The following EPHB4 variants were observed in gnomAD, a reference collection of about 807,000 sequenced individuals.
EPHB4 encodes the protein ephrin type-B receptor 4.
EPHB4 carries 50 observed loss-of-function variants against 110.6 expected under a neutral mutation model. The ratio of observed to expected loss-of-function variants is 0.45; its 90% CI spans 0.36 to 0.57. EPHB4 has a LOEUF of 0.57. EPHB4 is among the 20% of genes least tolerant of loss of function. The probability of loss-of-function intolerance (pLI) is 0.00; values close to 1 mark genes in which losing one functional copy is unlikely to be tolerated. For missense variants in EPHB4, 1,128 were observed against 1,382.1 expected (o/e 0.82, Z 2.91); for synonymous variants, 592 against 578.4 (o/e 1.02, Z -0.34).
At chr7:100,808,890 G>A (rs1014242517) in intron 12 of EPHB4, among the ~76,000 whole-genome samples, 4 of 152,142 alleles carry the variant, frequency 2.6e-5, no homozygotes, top group Non-Finnish European at 5.9e-5. Context: ...CTTGCCAGAT[G>A]GTCAGGGTAT....
At chr7:100,823,116 C>T (rs1269082589) in intron 3 of EPHB4, among the ~76,000 whole-genome samples, 1 of 152,066 alleles carries the variant, frequency 6.6e-6, no homozygotes, top group Non-Finnish European at 1.5e-5. Context: ...GAAGACCCCG[C>T]TTTAAAAATA....
At chr7:100,805,342 G>A in intron 15 of EPHB4, 21 bp from the exon 16 acceptor site, 2 of 1,613,454 alleles carry the variant, frequency 1.2e-6, no homozygotes, top group Non-Finnish European at 1.7e-6. Flanking sequence ...AGGATGGGGA[G>A]GAATGCTGAG....
rs1331661665 is a variant in EPHB4, at chr7:100,805,687, T to C, written c.2492A>G (p.Asn831Ser). The C allele has an allele frequency of 9.4e-6, 14 of 1,487,224 alleles. No individual in the cohort carries two copies. Among genetic ancestry groups the C allele is most frequent in the Non-Finnish European group, 1.3e-5 (14 of 1,119,580 alleles). 92.1% of individuals were successfully genotyped at this position (1,487,224 alleles called of 1,614,324 possible). Residue 831 changes from asparagine to serine, a missense_variant, in exon 15 of 17, where the codon AAT (asparagine) becomes AGT (serine). This residue lies in a region of EPHB4 where 209 missense variants were observed against 240.5 expected (regional missense o/e 0.87). Coordinates refer to ENST00000358173, the MANE Select transcript of EPHB4 (RefSeq NM_004444.5). ...YWDMSNQDVI[N>S]AIEQDYRLPP... ...CAGCCGGTAGTCCTGTTCAATGGCA[T>C]TGATCACCTGGAAAGAGGGGAAGAA...
chr7:100,819,114 T>C (rs1203185550), intron 6 of EPHB4, among the ~76,000 whole-genome samples: 1 of 151,212 alleles, frequency 6.6e-6, no homozygotes. Flanking sequence ...CTCTTTCTTA[T>C]TCATTTATTT....
intron 14 of EPHB4, 161 bp from the exon 15 acceptor site, chr7:100,805,855 T>C: frequency 1.6e-6 from 1 of 631,610 alleles, no homozygotes; most frequent in Non-Finnish European, 2.4e-6. Flanking sequence ...AAGCTCTCTG[T>C]GGCTGAAGGC....
intron 8 of EPHB4, among the ~76,000 whole-genome samples, chr7:100,814,743 AGTGGCTCATGCCT>A (rs1344480740): frequency 1.1e-4 from 16 of 152,364 alleles, no homozygotes; most frequent in Non-Finnish European, 2.4e-4. Context: ...GGCCAGGAGC[AGTGGCTCATGCCT>A]GTAATCCCAG....
chr7:100,824,024 A>AG (rs1813310695), intron 2 of EPHB4, 93 bp from the exon 3 acceptor site: 5 of 1,511,914 alleles, frequency 3.3e-6, no homozygotes, highest in African/African-American at 2.8e-5. Flanking sequence ...GGACTGAGAA[A>AG]GGGGGGCTGC....
chr7:100,819,895 G>T lies in EPHB4; in HGVS notation c.965-6C>A, dbSNP rs376856776. The T allele has an allele frequency of 1.3e-6, 2 of 1,539,502 alleles. No homozygotes were observed. Among genetic ancestry groups the T allele is most frequent in the Non-Finnish European group, 1.8e-6 (2 of 1,139,606 alleles). ...CCGCGGAGCCGAAGGAGGGGCTGCA[G>T]GAGACCAGGGAGTCAGGCAGAGGCC... is the stretch of plus-strand genomic sequence containing the variant. On this transcript the variant is annotated splice_region_variant and splice_polypyrimidine_tract_variant and intron_variant, in intron 5 of 16. Transcript: ENST00000358173.
Position 100,813,125 on chromosome 7 carries a change from A to G in EPHB4, c.1840T>C (p.Tyr614His), listed in dbSNP as rs761626053. 1.9e-6 allele frequency: 3 copies of G among 1,612,776 alleles called. No individual in the cohort carries two copies. The East Asian group carries it at 6.7e-5, about 36-fold the overall frequency. Residue 614 changes from tyrosine to histidine, a missense_variant, in exon 11 of 17, where the codon TAC becomes CAC. This residue lies in a region of EPHB4 where 191 missense variants were observed against 313.0 expected (regional missense o/e 0.61). Transcript: ENST00000358173. ...REFAKEIDVS[Y>H]VKIEEVIGAG... ...CCAATCACCTCTTCAATCTTGACGT[A>G]GGAGACATCGATCTCTTTTGCAAAT...
At chr7:100,826,749 C>T in intron 1 of EPHB4, 1 of 466,560 alleles carries the variant, frequency 2.1e-6, no homozygotes, top group Non-Finnish European at 3.8e-6. Flanking sequence ...GGGGAATGTC[C>T]CGGGTCGTAG....
Position 100,812,638 on chromosome 7 carries a change from TGGA to T in EPHB4, c.2118+106_2118+108del, listed in dbSNP as rs547709328. The T allele has an allele frequency of 9.0e-6, 13 of 1,440,028 alleles. 1 individual carries two copies. The highest frequency in any genetic ancestry group is 2.4e-4 in the Middle Eastern group (1 of 4,098). The allele number at this position is 1,440,028 out of a possible 1,614,324, so 89.2% of individuals were successfully genotyped here. On this transcript the variant is annotated intron_variant, in intron 12 of 16. Transcript: ENST00000358173. ...AGGGCTTAGCCCAAGAGGAAAAGGCTGGAGGAGGTGACCTGGGACCCACTGTCT... is the reference window on the plus strand; with the variant it reads ...AGGGCTTAGCCCAAGAGGAAAAGGCTGGAGGTGACCTGGGACCCACTGTCT...
In EPHB4 at chr7:100,819,532, A is replaced by C. The variant is rs776050409; in HGVS notation, c.1297+25T>G. 4 of 1,532,566 alleles carry C rather than the reference A, an allele frequency of 2.6e-6. No individual in the cohort carries two copies. The African/African-American group carries it at 4.1e-5, about 16-fold the overall frequency. The allele number at this position is 1,532,566 out of a possible 1,614,324, so 94.9% of individuals were successfully genotyped here. A position where few individuals can be genotyped will look rare whatever the true frequency, so the allele number is the denominator to read the frequency against. ...GTGACATCTCTCCCGCCAGACCACC[A>C]GCCGCCCCAGCCCCCAAGTCTCACC... On this transcript the variant is annotated intron_variant, in intron 6 of 16. Coordinates refer to ENST00000358173, the MANE Select transcript of EPHB4 (RefSeq NM_004444.5).
Position 100,827,053 on chromosome 7 carries a change from A to T in EPHB4, c.-23T>A. ...CATGGCGCCGCCTCACTCGGGTAGG[A>T]TCCGAACTGAGTTTGGGGGGCCCTC... On this transcript the variant is annotated 5_prime_UTR_variant, in exon 1 of 17. Coordinates refer to ENST00000358173, the MANE Select transcript of EPHB4 (RefSeq NM_004444.5). 1 of 1,569,458 alleles carries T rather than the reference A, an allele frequency of 6.4e-7. No individual in the cohort carries two copies. Among genetic ancestry groups the T allele is most frequent in the Non-Finnish European group, 8.6e-7 (1 of 1,157,598 alleles).
intron 12 of EPHB4, among the ~76,000 whole-genome samples, chr7:100,811,010 G>A (rs961053833): frequency 3.2e-4 from 49 of 152,164 alleles, no homozygotes; most frequent in African/African-American, 1.0e-3. Context: ...AGCACTTTGA[G>A]GGGCCGAGAT....
chr7:100,818,811 T>C (rs1225361775), intron 6 of EPHB4, among the ~76,000 whole-genome samples, 167 bp from the exon 7 acceptor site: 1 of 152,042 alleles, frequency 6.6e-6, no homozygotes, highest in Non-Finnish European at 1.5e-5. Context: ...CAAGCAATTC[T>C]TCTGGTTGCT....
intron 7 of EPHB4, 126 bp downstream of exon 7, chr7:100,818,394 G>C: frequency 2.1e-6 from 3 of 1,439,334 alleles, no homozygotes; most frequent in Non-Finnish European, 2.8e-6. Context: ...GCTTACCCAA[G>C]GCTGCCCAGG....
At chr7:100,820,358 C>T (rs1219866150) in intron 4 of EPHB4, 62 bp from the exon 5 acceptor site, 18 of 1,545,262 alleles carry the variant, frequency 1.2e-5, no homozygotes, top group South Asian at 4.8e-5. Flanking sequence ...ACGGTGGGCT[C>T]GGTGGCTCAT....
At chr7:100,824,036 G>A (rs993636459) in intron 2 of EPHB4, 105 bp from the exon 3 acceptor site, 1 of 1,510,656 alleles carries the variant, frequency 6.6e-7, no homozygotes, top group Non-Finnish European at 8.9e-7. Flanking sequence ...GGGGGCTGCT[G>A]GTACTGCGAG....
chr7:100,806,312 TG>T, intron 14 of EPHB4, 107 bp downstream of exon 14: 1 of 1,336,590 alleles, frequency 7.5e-7, no homozygotes, highest in Non-Finnish European at 1.0e-6. Flanking sequence ...GTCATCTCCA[TG>T]GTCTCAAGAA....
Sources: gnomAD v4.1 joint callset for allele counts (sites outside exome capture counted in the v4.1 genomes callset) on GRCh38, gnomAD v4.1.1 for gene constraint, gnomAD v4.1.1 regional missense constraint, MANE v1.5 for transcripts, NCBI Gene and HGNC (gene_info 2026-07-23, HGNC 2026-07-21) for gene names.